The following TMIGD2 variants were observed in gnomAD, a reference collection of about 807,000 sequenced individuals.
TMIGD2 encodes transmembrane and immunoglobulin domain containing 2.
In TMIGD2, 18 loss-of-function variants were observed where a neutral mutation model predicts 22.6. The observed-to-expected ratio is 0.80, with a 90% CI of 0.55 to 1.18. TMIGD2 has a LOEUF of 1.18. Ranked by LOEUF, TMIGD2 falls within the 50% of genes most tolerant of loss-of-function variation. The pLI is 0.00. For synonymous variants in TMIGD2, 184 were observed against 154.1 expected (o/e 1.19, Z -1.44); for missense variants, 361 against 378.2 (o/e 0.95, Z 0.38).
chr19:4,301,812 G>A (rs1017485165), intron 1 of TMIGD2, among the ~76,000 whole-genome samples: 1 of 152,208 alleles, frequency 6.6e-6, no homozygotes, highest in Non-Finnish European at 1.5e-5. Context: ...GTCCTTAATT[G>A]GAAACACAGA....
chr19:4,301,030 T>C (rs936016359), intron 1 of TMIGD2, among the ~76,000 whole-genome samples: 11 of 152,180 alleles, frequency 7.2e-5, no homozygotes, highest in African/African-American at 2.7e-4. Context: ...GGGAGTGCAG[T>C]GGTGTGATCT....
chr19:4,300,086 C>A (rs1971515606), intron 1 of TMIGD2, among the ~76,000 whole-genome samples: 1 of 151,066 alleles, frequency 6.6e-6, no homozygotes. Flanking sequence ...CATGGTGAAA[C>A]CCTGTCTCTA....
chr19:4,298,951 C>A (rs535061948), intron 1 of TMIGD2, among the ~76,000 whole-genome samples: 1 of 152,170 alleles, frequency 6.6e-6, no homozygotes, highest in East Asian at 1.9e-4. Context: ...CAGACACAGG[C>A]ATGACCAAAA....
At chr19:4,293,131 T>C (rs1386426040) in intron 4 of TMIGD2, among the ~76,000 whole-genome samples, 2 of 151,238 alleles carry the variant, frequency 1.3e-5, no homozygotes, top group Admixed American at 1.3e-4. Context: ...GCCTGGCTGA[T>C]TTTTTGTATT....
intron 4 of TMIGD2, among the ~76,000 whole-genome samples, chr19:4,293,153 C>T (rs193243509): frequency 8.8e-4 from 134 of 151,768 alleles, no homozygotes; most frequent in African/African-American, 2.6e-3. Context: ...TTAGTAGAGA[C>T]GGGGTTTCAC....
At chr19:4,298,645 G>C (rs898247507) in intron 1 of TMIGD2, among the ~76,000 whole-genome samples, 1 of 152,060 alleles carries the variant, frequency 6.6e-6, no homozygotes, top group Non-Finnish European at 1.5e-5. Context: ...ACTAAGTGAA[G>C]GGATCGCTTG....
chr19:4,295,848 G>A (rs149213825), intron 2 of TMIGD2, among the ~76,000 whole-genome samples: 32 of 152,258 alleles, frequency 2.1e-4, no homozygotes, highest in Non-Finnish European at 4.6e-4. Flanking sequence ...ACCTCAGCTC[G>A]GAGATCCTAA....
At chr19:4,294,505 G>A in intron 4 of TMIGD2, 74 bp downstream of exon 4, 1 of 1,429,716 alleles carries the variant, frequency 7.0e-7, no homozygotes, top group Non-Finnish European at 9.8e-7. Flanking sequence ...CGGGAGCACA[G>A]ATGCAGTGGG....
chr19:4,295,645 C>A (rs940525786), intron 2 of TMIGD2, among the ~76,000 whole-genome samples: 2 of 151,984 alleles, frequency 1.3e-5, no homozygotes, highest in Non-Finnish European at 2.9e-5. Flanking sequence ...TCATCATGAG[C>A]CCCGCCATCT....
intron 1 of TMIGD2, among the ~76,000 whole-genome samples, chr19:4,301,562 C>T (rs1218287252): frequency 2.0e-5 from 3 of 152,172 alleles, no homozygotes; most frequent in East Asian, 3.9e-4. Context: ...CCCAGCTACT[C>T]GGGAGCCTGA....
chr19:4,297,769 C>T (rs1306341108), intron 2 of TMIGD2, among the ~76,000 whole-genome samples: 1 of 151,470 alleles, frequency 6.6e-6, no homozygotes, highest in Non-Finnish European at 1.5e-5. Flanking sequence ...GCGGGAGAAT[C>T]GCTTGAACCT....
intron 4 of TMIGD2, among the ~76,000 whole-genome samples, chr19:4,294,319 T>C (rs535101850): frequency 6.6e-6 from 1 of 152,186 alleles, no homozygotes; most frequent in Non-Finnish European, 1.5e-5. Context: ...CCTCCCAAAA[T>C]GCTGGGATGA....
intron 1 of TMIGD2, among the ~76,000 whole-genome samples, chr19:4,301,367 C>T (rs944922644): frequency 2.6e-5 from 4 of 152,096 alleles, no homozygotes; most frequent in African/African-American, 9.7e-5. Context: ...TAGTGAGACC[C>T]ATCTCTAAAA....
intron 1 of TMIGD2, 27 bp from the exon 2 acceptor site, chr19:4,298,372 C>T: frequency 6.5e-7 from 1 of 1,529,014 alleles, no homozygotes; most frequent in Non-Finnish European, 8.7e-7. Flanking sequence ...GTAGAGGCGA[C>T]CTTTCTGACT....
chr19:4,301,725 A>G (rs1268700752), intron 1 of TMIGD2, among the ~76,000 whole-genome samples: 1 of 152,172 alleles, frequency 6.6e-6, no homozygotes, highest in Non-Finnish European at 1.5e-5. Context: ...AAAAAGTGCA[A>G]GCGGCTGGAA....
At chr19:4,302,290 G>A in intron 1 of TMIGD2, 50 bp downstream of exon 1, 1 of 1,536,600 alleles carries the variant, frequency 6.5e-7, no homozygotes, top group Non-Finnish European at 8.8e-7. Context: ...AGGCAGCTGG[G>A]GATGACAGCA....
intron 1 of TMIGD2, among the ~76,000 whole-genome samples, chr19:4,301,392 G>A (rs1335258528): frequency 6.6e-6 from 1 of 152,166 alleles, no homozygotes; most frequent in Non-Finnish European, 1.5e-5. Context: ...AAAATGACTG[G>A]GCACGGTGGC....
At chr19:4,294,788 G>T (rs768422376) in exon 3 of TMIGD2, 2 of 1,586,824 alleles carry the variant, frequency 1.3e-6, no homozygotes, top group Non-Finnish European at 1.7e-6. Flanking sequence ...GGAAGCTTGC[G>T]ATCCGGTTTC....
In TMIGD2 at chr19:4,294,185, A is replaced by C. The variant is rs560545005; in HGVS notation, c.562+382T>G. On this transcript the variant is annotated intron_variant, in intron 4 of 4. Coordinates refer to ENST00000301272, the Ensembl canonical transcript of TMIGD2. ...CGGGTTCAAGCGATCCTCCTGCCTC[A>C]GCCTCCCAAGTAGCTGGTATTACAG... 6.3e-4 allele frequency among the ~76,000 whole-genome samples: 96 copies of C among 151,886 alleles called. 2 individuals carry two copies. In the South Asian group the frequency reaches 0.02, roughly 31 times the overall value.
Sources: allele counts gnomAD v4.1 joint callset (sites outside exome capture counted in the v4.1 genomes callset), GRCh38; gene constraint gnomAD v4.1.1; transcripts MANE v1.5; gene names NCBI Gene and HGNC (gene_info 2026-07-23, HGNC 2026-07-21).